Variants in NPAS3 observed in about 807,000 individuals in gnomAD.
NPAS3 encodes the protein neuronal PAS domain-containing protein 3.
NPAS3 carries 14 observed loss-of-function variants against 73.1 expected under a neutral mutation model. That is an observed-to-expected ratio of 0.19 (90% CI 0.13 to 0.30). The LOEUF is 0.30. Among genes scored for constraint, NPAS3 ranks in the 10% least tolerant of loss-of-function variants. NPAS3 has a pLI of 1.00. For synonymous variants in NPAS3, 620 were observed against 541.5 expected, an observed-to-expected ratio of 1.14 and a Z score of -2.01; for missense variants, 1,096 against 1,250.0, an observed-to-expected ratio of 0.88 and a Z score of 1.86.
intron 5 of NPAS3, among the ~76,000 whole-genome samples, chr14:33,605,391 A>AT (rs1177420449): frequency 0.023 from 948 of 41,472 alleles, 8 homozygotes; most frequent in African/African-American, 0.099. Context: ...AGGCATTCAA[A>AT]TTAAAAAAAA....
At chr14:33,774,846 T>C (rs2062763458) in intron 8 of NPAS3, among the ~76,000 whole-genome samples, 1 of 152,100 alleles carries the variant, frequency 6.6e-6, no homozygotes, top group Admixed American at 6.5e-5. Flanking sequence ...TGCAGTAAAA[T>C]GTATTGCCTG....
chr14:33,315,903 A>G (rs570181507), intron 3 of NPAS3, among the ~76,000 whole-genome samples: 16 of 152,186 alleles, frequency 1.1e-4, no homozygotes, highest in African/African-American at 3.8e-4. Flanking sequence ...CAACTATGAC[A>G]CAAGAGCAGT....
intron 3 of NPAS3, among the ~76,000 whole-genome samples, chr14:33,218,916 G>C (rs575724762): frequency 6.6e-6 from 1 of 152,116 alleles, no homozygotes; most frequent in South Asian, 2.1e-4. Context: ...TACAAGTTAT[G>C]CTTGCAGAAA....
At chr14:33,544,595 A>T (rs2054693209) in intron 4 of NPAS3, among the ~76,000 whole-genome samples, 1 of 151,008 alleles carries the variant, frequency 6.6e-6, no homozygotes. Flanking sequence ...GGTGAGCCAC[A>T]CCCTTCCACA....
At chr14:33,064,944 T>C (rs1158817158) in intron 2 of NPAS3, among the ~76,000 whole-genome samples, 1 of 152,022 alleles carries the variant, frequency 6.6e-6, no homozygotes, top group Non-Finnish European at 1.5e-5. Flanking sequence ...GAGCAGCTTA[T>C]TTGGGGGAAG....
chr14:33,549,982 C>G (rs1231341129), intron 4 of NPAS3, among the ~76,000 whole-genome samples: 1 of 152,042 alleles, frequency 6.6e-6, no homozygotes, highest in Non-Finnish European at 1.5e-5. Flanking sequence ...TTTTAAAAAA[C>G]AAACAACAAA....
At chr14:33,294,855 C>T (rs1187245104) in intron 3 of NPAS3, among the ~76,000 whole-genome samples, 1 of 152,090 alleles carries the variant, frequency 6.6e-6, no homozygotes, top group East Asian at 1.9e-4. Flanking sequence ...TGAGCATGAC[C>T]TCAGATGGTC....
intron 2 of NPAS3, among the ~76,000 whole-genome samples, chr14:33,147,148 T>A (rs1214754156): frequency 6.6e-6 from 1 of 151,976 alleles, no homozygotes; most frequent in Non-Finnish European, 1.5e-5. Flanking sequence ...AAATTATTGA[T>A]TGAATTTAAT....
chr14:33,678,905 A>T (rs2059850370), intron 6 of NPAS3, among the ~76,000 whole-genome samples: 2 of 152,154 alleles, frequency 1.3e-5, no homozygotes, highest in African/African-American at 4.8e-5. Flanking sequence ...GCATAAAATA[A>T]CCCTAGGTAC....
At chr14:33,461,969 A>G (rs1298771440) in intron 4 of NPAS3, among the ~76,000 whole-genome samples, 2 of 152,218 alleles carry the variant, frequency 1.3e-5, no homozygotes, top group African/African-American at 4.8e-5. Context: ...ATGTGTCCTT[A>G]TATTTTCTAA....
At position 33,332,318 on chromosome 14, in the gene NPAS3, C is replaced by T. The variant is rs150186025; in HGVS notation, c.386-34868C>T. Among the ~76,000 whole-genome samples the T allele has an allele frequency of 6.1e-3, 924 of 152,102 alleles. 14 individuals are homozygous for T. Among genetic ancestry groups the T allele is most frequent in the Middle Eastern group, 0.041 (12 of 294 alleles). On this transcript the variant is annotated intron_variant, in intron 3 of 11. Coordinates refer to ENST00000356141, the Ensembl canonical transcript of NPAS3. Reference sequence around the variant, plus strand: ...TTATCTTTACAAAGATAAATATGGCCGTATTTCTAAAAAATTCAGATTAAG... The same window carrying T: ...TTATCTTTACAAAGATAAATATGGCTGTATTTCTAAAAAATTCAGATTAAG...
intron 5 of NPAS3, among the ~76,000 whole-genome samples, chr14:33,625,798 G>T (rs1021724321): frequency 1.3e-5 from 2 of 152,102 alleles, no homozygotes; most frequent in Non-Finnish European, 2.9e-5. Flanking sequence ...TAACATTTGG[G>T]TATAAAGAAT....
intron 4 of NPAS3, among the ~76,000 whole-genome samples, chr14:33,422,931 A>G (rs1189309199): frequency 6.6e-6 from 1 of 152,018 alleles, no homozygotes; most frequent in East Asian, 1.9e-4. Flanking sequence ...CCTCTGATTA[A>G]GAGCCCCATA....
At chr14:33,026,325 CAATTGTATGTT>C (rs1310436606) in intron 1 of NPAS3, among the ~76,000 whole-genome samples, 1 of 152,178 alleles carries the variant, frequency 6.6e-6, no homozygotes, top group Non-Finnish European at 1.5e-5. Context: ...TGCTCACTTG[CAATTGTATGTT>C]AATCAACTGT....
intron 2 of NPAS3, among the ~76,000 whole-genome samples, chr14:33,147,760 C>CAT (rs1458396544): frequency 5.1e-5 from 6 of 117,524 alleles, no homozygotes; most frequent in Non-Finnish European, 3.4e-5. Flanking sequence ...TATATACACA[C>CAT]AAAAAAGTTT....
intron 4 of NPAS3, among the ~76,000 whole-genome samples, chr14:33,527,544 T>C (rs2053856015): frequency 6.6e-6 from 1 of 152,164 alleles, no homozygotes; most frequent in African/African-American, 2.4e-5. Context: ...TATGTGCACG[T>C]ACACAAATGC....
intron 2 of NPAS3, among the ~76,000 whole-genome samples, chr14:33,149,799 A>C (rs2044378746): frequency 1.3e-5 from 2 of 152,092 alleles, no homozygotes; most frequent in Admixed American, 1.3e-4. Flanking sequence ...TTTTTTTATT[A>C]TTATACTTTA....
chr14:33,271,590 T>C (rs779775899), intron 3 of NPAS3, among the ~76,000 whole-genome samples: 2 of 152,118 alleles, frequency 1.3e-5, no homozygotes, highest in African/African-American at 4.8e-5. Flanking sequence ...TAAAAAAGGA[T>C]AATAATTCCA....
chr14:33,540,231 A>G (rs2054449432), intron 4 of NPAS3, among the ~76,000 whole-genome samples: 1 of 152,250 alleles, frequency 6.6e-6, no homozygotes. Context: ...TACATTTCAG[A>G]AACTGAAAAT....
Sources: gnomAD v4.1 joint callset for allele counts (sites outside exome capture counted in the v4.1 genomes callset) on GRCh38, gnomAD v4.1.1 for gene constraint, MANE v1.5 for transcripts, NCBI Gene and HGNC (gene_info 2026-07-23, HGNC 2026-07-21) for gene names.